The following VAV3 variants were observed in gnomAD, a reference collection of about 807,000 sequenced individuals.
VAV3 encodes the protein guanine nucleotide exchange factor VAV3.
In VAV3, 94 loss-of-function variants were observed where a neutral mutation model predicts 131.2. The ratio of observed to expected loss-of-function variants is 0.72; its 90% CI spans 0.61 to 0.85. The LOEUF is 0.85. VAV3 is among the 40% of genes least tolerant of loss of function. VAV3 has a pLI of 0.00. For synonymous variants in VAV3, 349 were observed against 342.0 expected (o/e 1.02, Z -0.22); for missense variants, 939 against 1,002.7 (o/e 0.94, Z 0.86).
At chr1:107,743,463 G>T (rs1663142974) in intron 15 of VAV3, among the ~76,000 whole-genome samples, 1 of 152,162 alleles carries the variant, frequency 6.6e-6, no homozygotes. Context: ...AGGAAGAGAT[G>T]ATTTGAATAG....
chr1:107,899,949 T>C (rs1260620607), intron 1 of VAV3, among the ~76,000 whole-genome samples: 3 of 152,174 alleles, frequency 2.0e-5, no homozygotes, highest in Non-Finnish European at 4.4e-5. Flanking sequence ...AGAATCTCCT[T>C]AGGTCTTTCA....
rs764336806 is a variant in VAV3, at chr1:107,772,765, G to T, written c.525C>A (p.Asp175Glu). The change falls in exon 5 of 27, where the codon GAC becomes GAA. Residue 175 changes from aspartate (D) to glutamate (E), a missense_variant. By Grantham distance (45) the Asp-to-Glu change is conservative. Transcript: ENST00000370056. ...GATGTGCTTCCTCTGCCTTCATTAA[G>T]TCCTCATAGACTTCTCCACCTTCAT... is the stretch of plus-strand genomic sequence containing the variant. ...GEDEGGEVYE[D>E]LMKAEEAHQP... is the part of the protein sequence containing the mutation. The T allele has an allele frequency of 5.0e-6, 8 of 1,613,582 alleles. No homozygotes were observed. The East Asian group carries it at 1.8e-4, about 36-fold the overall frequency.
chr1:107,748,373 A>T (rs1663488207), intron 15 of VAV3, among the ~76,000 whole-genome samples: 2 of 152,204 alleles, frequency 1.3e-5, no homozygotes, highest in South Asian at 4.1e-4. Flanking sequence ...TCAGAATGCC[A>T]TTCCTTTTGA....
At chr1:107,599,546 C>T (rs1651673815) in intron 24 of VAV3, among the ~76,000 whole-genome samples, 1 of 152,100 alleles carries the variant, frequency 6.6e-6, no homozygotes, top group Non-Finnish European at 1.5e-5. Context: ...GACTGTCTCG[C>T]ATACATGAAA....
intron 1 of VAV3, among the ~76,000 whole-genome samples, chr1:107,941,396 C>G (rs2101269821): frequency 6.6e-6 from 1 of 152,274 alleles, no homozygotes; most frequent in South Asian, 2.1e-4. Flanking sequence ...TTGCTTTGGG[C>G]TGTAAAAACT....
chr1:107,906,052 C>G (rs983894692), intron 1 of VAV3, among the ~76,000 whole-genome samples: 1 of 152,096 alleles, frequency 6.6e-6, no homozygotes, highest in Non-Finnish European at 1.5e-5. Context: ...AGAAAAATCT[C>G]CTAAATTTAA....
At chr1:107,747,212 T>C (rs1437306705) in intron 15 of VAV3, among the ~76,000 whole-genome samples, 2 of 152,344 alleles carry the variant, frequency 1.3e-5, no homozygotes, top group East Asian at 1.9e-4. Context: ...ATTAACTGTT[T>C]GTTTTATGGC....
intron 15 of VAV3, among the ~76,000 whole-genome samples, chr1:107,734,629 G>A (rs1662473014): frequency 6.6e-6 from 1 of 152,154 alleles, no homozygotes; most frequent in African/African-American, 2.4e-5. Flanking sequence ...TTACATAATG[G>A]TAAAGGGATC....
At chr1:107,853,323 T>C (rs1338257480) in intron 2 of VAV3, among the ~76,000 whole-genome samples, 2 of 152,144 alleles carry the variant, frequency 1.3e-5, no homozygotes, top group Non-Finnish European at 2.9e-5. Context: ...TTAAATGCAA[T>C]CATCTATGCT....
At chr1:107,674,520 A>G (rs1658055205) in intron 19 of VAV3, among the ~76,000 whole-genome samples, 1 of 152,234 alleles carries the variant, frequency 6.6e-6, no homozygotes, top group Non-Finnish European at 1.5e-5. Flanking sequence ...ACAGAACTAT[A>G]CAGCTAGACC....
At chr1:107,669,336 T>C in intron 19 of VAV3, 1 of 1,289,766 alleles carries the variant, frequency 7.8e-7, no homozygotes, top group Non-Finnish European at 1.0e-6. Flanking sequence ...GCCTTGTCTG[T>C]CTCCTGTTAT....
chr1:107,838,655 T>C (rs1446864437), intron 2 of VAV3, among the ~76,000 whole-genome samples: 1 of 152,156 alleles, frequency 6.6e-6, no homozygotes, highest in Non-Finnish European at 1.5e-5. Context: ...CATGCATCCG[T>C]ACATTCATTG....
chr1:107,601,809 T>C (rs986128128), intron 24 of VAV3, among the ~76,000 whole-genome samples: 5 of 152,162 alleles, frequency 3.3e-5, no homozygotes, highest in Non-Finnish European at 5.9e-5. Flanking sequence ...CCTTATTCAT[T>C]TGATGTGATT....
intron 17 of VAV3, among the ~76,000 whole-genome samples, chr1:107,697,799 A>G (rs1291882360): frequency 6.6e-6 from 1 of 152,182 alleles, no homozygotes; most frequent in African/African-American, 2.4e-5. Flanking sequence ...GCAGCACTAC[A>G]GAACATTCAA....
At chr1:107,582,682 G>A (rs1207547121) in intron 25 of VAV3, among the ~76,000 whole-genome samples, 1 of 151,366 alleles carries the variant, frequency 6.6e-6, no homozygotes, top group African/African-American at 2.4e-5. Context: ...TTGTTCTCGC[G>A]ATAGTTTACT....
chr1:107,635,270 C>T (rs60645690), intron 20 of VAV3, among the ~76,000 whole-genome samples: 55,766 of 151,822 alleles, frequency 0.37, 10,643 homozygotes, highest in East Asian at 0.48. Flanking sequence ...CAGATATACA[C>T]CAAGGAATAC....
intron 1 of VAV3, among the ~76,000 whole-genome samples, chr1:107,903,196 T>A (rs1325689414): frequency 2.0e-5 from 3 of 152,038 alleles, no homozygotes; most frequent in African/African-American, 7.2e-5. Flanking sequence ...AGTTGGTTCA[T>A]AAGAAAAAAG....
chr1:107,714,750 C>T (rs911552333), intron 15 of VAV3, among the ~76,000 whole-genome samples: 34 of 152,210 alleles, frequency 2.2e-4, no homozygotes, highest in African/African-American at 7.7e-4. Flanking sequence ...GAAGGGACAT[C>T]TTCACCTATT....
rs562773351 is a variant in VAV3, at chr1:107,840,358, G to A, written c.321+34543C>T. Among the ~76,000 whole-genome samples the A allele has an allele frequency of 1.8e-4, 28 of 152,252 alleles. No individual in the cohort carries two copies. In the Middle Eastern group the frequency reaches 0.01, roughly 55 times the overall value. ...CATGTATATTTTAAAGTTGTGCAAA[G>A]ACCTTTCTTGATTGGCACCACTTAA... On this transcript the variant is annotated intron_variant, in intron 2 of 26. Transcript: ENST00000370056.
Sources: gnomAD v4.1 joint callset for allele counts (sites outside exome capture counted in the v4.1 genomes callset) on GRCh38, gnomAD v4.1.1 for gene constraint, MANE v1.5 for transcripts, NCBI Gene and HGNC (gene_info 2026-07-23, HGNC 2026-07-21) for gene names.